ACTN4: variants seen among roughly 807,000 people sequenced by gnomAD.
ACTN4 encodes actinin alpha 4.
Under a neutral mutation model 114.2 loss-of-function variants are expected in ACTN4, and 18 were observed. The observed-to-expected ratio is 0.16, with a 90% confidence interval of 0.11 to 0.23. The LOEUF is 0.23. Among genes scored for constraint, ACTN4 ranks in the 10% least tolerant of loss-of-function variants. The pLI is 1.00. For missense variants in ACTN4, 722 were observed against 1,262.9 expected (o/e 0.57, Z 6.49); for synonymous variants, 515 against 506.3 (o/e 1.02, Z -0.23).
At chr19:38,670,416 G>A (rs1967092052) in intron 1 of ACTN4, among the ~76,000 whole-genome samples, 1 of 152,188 alleles carries the variant, frequency 6.6e-6, no homozygotes, top group Admixed American at 6.5e-5. Flanking sequence ...TGAGGAGAAT[G>A]GATGTGAGTG....
At chr19:38,682,873 A>T (rs1289022981) in intron 1 of ACTN4, among the ~76,000 whole-genome samples, 2 of 151,962 alleles carry the variant, frequency 1.3e-5, no homozygotes, top group East Asian at 1.9e-4. Context: ...TGTCATCTCC[A>T]CTGAGAGGCC....
intron 3 of ACTN4, among the ~76,000 whole-genome samples, chr19:38,703,440 C>T (rs1968350839): frequency 1.3e-5 from 2 of 152,028 alleles, no homozygotes; most frequent in South Asian, 4.1e-4. Context: ...GCTTCACCAT[C>T]TTGGCCGGGC....
rs1568691120 is a variant in ACTN4 at position 38,673,751 on chromosome 19, A to ATT, written c.162+25845_162+25846insTT. 5.7e-4 allele frequency among the ~76,000 whole-genome samples: 51 copies of ATT among 89,562 alleles called. 4 individuals carry two copies. The highest frequency in any genetic ancestry group is 2.0e-3 in the African/African-American group (51 of 25,982). 58.8% of individuals were successfully genotyped at this position (89,562 alleles called of 152,430 possible). ...CTTATATATATTTATATATTTATAT[A>ATT]TATTTTTATATATATATATTTATAT... On this transcript the variant is annotated intron_variant, in intron 1 of 20. Coordinates refer to ENST00000252699, the MANE Select transcript of ACTN4 (RefSeq NM_004924.6).
At chr19:38,711,368 TG>T in intron 8 of ACTN4, 1 of 1,027,960 alleles carries the variant, frequency 9.7e-7, no homozygotes, top group East Asian at 8.3e-5. Context: ...GAAGGTGAGC[TG>T]GGCCAGGCAC....
chr19:38,689,743 G>A (rs974316106), intron 1 of ACTN4, among the ~76,000 whole-genome samples: 4 of 151,984 alleles, frequency 2.6e-5, no homozygotes, highest in Non-Finnish European at 5.9e-5. Flanking sequence ...GCGCGATCTT[G>A]GCTCATTGCA....
chr19:38,654,518 C>T (rs138116138), intron 1 of ACTN4, among the ~76,000 whole-genome samples: 2 of 150,246 alleles, frequency 1.3e-5, no homozygotes, highest in African/African-American at 4.9e-5. Flanking sequence ...GCTGAGATCA[C>T]GCCACTGCAC....
At position 38,724,978 on chromosome 19, in the gene ACTN4, G is replaced by A. The variant is rs1230256576; in HGVS notation, c.2010+413G>A. Among the ~76,000 whole-genome samples the A allele has an allele frequency of 1.3e-5, 2 of 152,206 alleles. No homozygotes were observed. The highest frequency in any genetic ancestry group is 4.8e-5 in the African/African-American group (2 of 41,458). ...TCTAGTGGGCTACCTATGGGAGGTG[G>A]GTTTGATCCCTGAATGCCCTGGTCT... On this transcript the variant is annotated intron_variant, in intron 16 of 20. Transcript: ENST00000252699. This position sits in a 1 kb window ranked among gnomAD's most constrained non-coding sequence, Gnocchi z 7.0.
intron 1 of ACTN4, among the ~76,000 whole-genome samples, chr19:38,661,148 C>T (rs1485954241): frequency 6.6e-6 from 1 of 152,194 alleles, no homozygotes; most frequent in Non-Finnish European, 1.5e-5. Context: ...GATGAGTCTA[C>T]ATTCAACTTG....
rs1358615027 is a variant in ACTN4 at position 38,730,622 on chromosome 19, C to A, written c.*1190C>A. The A allele has an allele frequency of 4.9e-6, 3 of 607,672 alleles. No individual in the cohort carries two copies. The highest frequency in any genetic ancestry group is 8.8e-6 in the Non-Finnish European group (3 of 340,586). 37.6% of individuals were successfully genotyped at this position (607,672 alleles called of 1,614,324 possible). A position where few individuals can be genotyped will look rare whatever the true frequency, so the allele number is the denominator to read the frequency against. On this transcript the variant is annotated 3_prime_UTR_variant, in exon 21 of 21. Transcript: ENST00000252699. ...CAGAGCTAGCACTGTCTTAAGCTGT[C>A]AACGTGGACTAGCTCGTGTCATCTG...
intron 1 of ACTN4, among the ~76,000 whole-genome samples, chr19:38,649,172 GT>G (rs1385366881): frequency 1.8e-5 from 1 of 55,034 alleles, no homozygotes; most frequent in Non-Finnish European, 3.3e-5. Context: ...AGGTGGCACT[GT>G]TTTTTTGGGG....
chr19:38,664,253 G>T (rs773909793), intron 1 of ACTN4, among the ~76,000 whole-genome samples: 2 of 151,724 alleles, frequency 1.3e-5, no homozygotes, highest in African/African-American at 4.8e-5. Context: ...GGAACTTAGC[G>T]TTCCCATCCC....
chr19:38,647,675 G>T lies in ACTN4; in HGVS notation c.-71G>T. 2.7e-6 allele frequency: 4 copies of T among 1,484,182 alleles called. No homozygotes were observed. The highest frequency in any genetic ancestry group is 3.6e-6 in the Non-Finnish European group (4 of 1,116,754). 91.9% of individuals were successfully genotyped at this position (1,484,182 alleles called of 1,614,324 possible). ...AAGCAGCTGAAGCGGCGGTAGCGGC[G>T]GCGGCTCGGGCAGAGGGGCGGGAGC... On this transcript the variant is annotated 5_prime_UTR_variant, in exon 1 of 21. Coordinates refer to ENST00000252699, the MANE Select transcript of ACTN4 (RefSeq NM_004924.6).
rs751000446 is a variant in ACTN4 at position 38,718,011 on chromosome 19, C to T, written c.1228C>T (p.Arg410Trp). ...GCTGAATGAGATCCGCAGGCTGGAG[C>T]GGCTCGACCACCTGGCAGAGAAGTT... is the stretch of plus-strand genomic sequence containing the variant. ...WLLNEIRRLERLDHLAEKFRQ... is the reference protein window; with the variant it reads ...WLLNEIRRLEWLDHLAEKFRQ... The change falls in exon 11 of 21, where the codon CGG becomes TGG. Residue 410 changes from arginine (R) to tryptophan (W), a missense_variant. Transcript: ENST00000252699. 9 of 1,607,104 alleles carry T rather than the reference C, an allele frequency of 5.6e-6. No homozygotes were observed. Among genetic ancestry groups the T allele is most frequent in the Admixed American group, 1.7e-5 (1 of 59,038 alleles).
intron 1 of ACTN4, among the ~76,000 whole-genome samples, chr19:38,670,669 A>G (rs923514916): frequency 6.6e-6 from 1 of 152,150 alleles, no homozygotes; most frequent in Non-Finnish European, 1.5e-5. Flanking sequence ...TCACGCCTGT[A>G]ATCCCAGCAC....
In ACTN4 at chr19:38,727,234, C is replaced by A; in HGVS notation, c.2337+131C>A. The A allele has an allele frequency of 7.3e-7, 1 of 1,373,538 alleles. No homozygotes were observed. The highest frequency in any genetic ancestry group is 1.0e-6 in the Non-Finnish European group (1 of 990,450). 85.1% of individuals were successfully genotyped at this position (1,373,538 alleles called of 1,614,324 possible). The stretch of plus-strand genomic sequence containing the variant: ...CGTCGGCCGCCACTCCCAGGGCCAG[C>A]AGGGCCCTGCCACTGTCAGGGTGTA... On this transcript the variant is annotated intron_variant, in intron 18 of 20. Transcript: ENST00000252699. The surrounding 1 kb of genome is among the most constrained non-coding windows in gnomAD (Gnocchi z 5.4).
intron 11 of ACTN4, among the ~76,000 whole-genome samples, chr19:38,719,360 C>G (rs1968957572): frequency 2.0e-5 from 3 of 152,260 alleles, no homozygotes; most frequent in Non-Finnish European, 4.4e-5. Flanking sequence ...CCCACCCTGG[C>G]CCGCATGCGA....
At chr19:38,670,250 T>C (rs1366048517) in intron 1 of ACTN4, among the ~76,000 whole-genome samples, 1 of 152,168 alleles carries the variant, frequency 6.6e-6, no homozygotes, top group Non-Finnish European at 1.5e-5. Flanking sequence ...TTTCAGGCCA[T>C]CTGTGGGAGT....
Position 38,731,483 on chromosome 19 carries a change from C to T in ACTN4, c.*2051C>T, listed in dbSNP as rs926231401. 6.9e-5 allele frequency: 37 copies of T among 535,590 alleles called. No homozygotes were observed. Among genetic ancestry groups the T allele is most frequent in the South Asian group, 4.2e-4 (20 of 47,386 alleles). 33.2% of individuals were successfully genotyped at this position (535,590 alleles called of 1,614,324 possible). A position where few individuals can be genotyped will look rare whatever the true frequency, so the allele number is the denominator to read the frequency against. On this transcript the variant is annotated 3_prime_UTR_variant, in exon 21 of 21. Coordinates refer to ENST00000252699, the MANE Select transcript of ACTN4 (RefSeq NM_004924.6). ...TCAGGACAGCGTCTGACACGTGACT[C>T]GATGTGTGGGTACTGTTACTCCTTA...
chr19:38,717,055 C>A lies in ACTN4; in HGVS notation c.913-31C>A. On this transcript the variant is annotated intron_variant, in intron 9 of 20. Coordinates refer to ENST00000252699, the MANE Select transcript of ACTN4 (RefSeq NM_004924.6). This position sits in a 1 kb window ranked among gnomAD's most constrained non-coding sequence, Gnocchi z 4.0. Reference sequence around the variant, plus strand: ...CCGTCAGCACTCTGAGGGTCCCCCACAAAGGCCACGCTGGCTTCTGTGGCC... The same window carrying A: ...CCGTCAGCACTCTGAGGGTCCCCCAAAAAGGCCACGCTGGCTTCTGTGGCC... 1 of 1,597,644 alleles carries A rather than the reference C, an allele frequency of 6.3e-7. No homozygotes were observed. The highest frequency in any genetic ancestry group is 8.5e-7 in the Non-Finnish European group (1 of 1,171,870).
Sources: gnomAD v4.1 joint callset for allele counts (sites outside exome capture counted in the v4.1 genomes callset) on GRCh38, gnomAD v4.1.1 for gene constraint, Gnocchi (gnomAD v3.1) non-coding constraint, MANE v1.5 for transcripts, NCBI Gene and HGNC (gene_info 2026-07-23, HGNC 2026-07-21) for gene names.